AFF4: variants seen among roughly 807,000 people sequenced by gnomAD.
AFF4 encodes AF4/FMR2 family member 4.
In AFF4, 13 loss-of-function variants were observed where a neutral mutation model predicts 124.8. That is an observed-to-expected ratio of 0.10 (90% confidence interval 0.07 to 0.17). The LOEUF (loss-of-function observed/expected upper bound fraction) is 0.17, where lower values mean the gene tolerates loss of function less well. Ranked by LOEUF, AFF4 falls within the 10% of genes least tolerant of loss-of-function variation. The probability of loss-of-function intolerance (pLI) is 1.00; values close to 1 mark genes in which losing one functional copy is unlikely to be tolerated. For synonymous variants in AFF4, 477 were observed against 496.1 expected (o/e 0.96, Z 0.51); for missense variants, 1,092 against 1,403.8 (o/e 0.78, Z 3.55).
chr5:132,890,555 T>A (rs1760229116), intron 13 of AFF4, among the ~76,000 whole-genome samples: 1 of 152,228 alleles, frequency 6.6e-6, no homozygotes, highest in South Asian at 2.1e-4. Flanking sequence ...CTATGTGCAA[T>A]GTTGATTTTC....
chr5:132,942,556 C>A (rs1761597565), intron 1 of AFF4, among the ~76,000 whole-genome samples: 4 of 151,888 alleles, frequency 2.6e-5, no homozygotes, highest in Admixed American at 2.0e-4. Flanking sequence ...CCTTCGCCTG[C>A]CGGATTCAAG....
At chr5:132,881,222 C>T in intron 20 of AFF4, 36 bp from the exon 21 acceptor site, 1 of 1,603,268 alleles carries the variant, frequency 6.2e-7, no homozygotes, top group Non-Finnish European at 8.5e-7. Flanking sequence ...ATGATATATA[C>T]TCTTTTGAAT....
Position 132,876,199 on chromosome 5 carries a change from A to C in AFF4, c.*4860T>G. The C allele has an allele frequency of 4.7e-6, 1 of 212,898 alleles. No homozygotes were observed. Among genetic ancestry groups the C allele is most frequent in the Middle Eastern group, 1.4e-3 (1 of 692 alleles). The allele number at this position is 212,898 out of a possible 1,614,324, so 13.2% of individuals were successfully genotyped here. ...GGCCAGTTCTGTTGGTGAGCCCCCT[A>C]CCCCCACCCCACCCATCCCAGTACT... is the stretch of plus-strand genomic sequence containing the variant. On this transcript the variant is annotated 3_prime_UTR_variant, in exon 21 of 21. Transcript: ENST00000265343.
At chr5:132,892,991 A>G (rs1292950150) in intron 12 of AFF4, 39 bp downstream of exon 12, 1 of 1,578,204 alleles carries the variant, frequency 6.3e-7, no homozygotes, top group Non-Finnish European at 8.7e-7. Context: ...ATATACATAT[A>G]TTAACAACAC....
At position 132,906,111 on chromosome 5, in the gene AFF4, C is replaced by G. The variant is rs182821859; in HGVS notation, c.1051-1707G>C. On this transcript the variant is annotated intron_variant, in intron 5 of 20. Transcript: ENST00000265343. ...ACTAGGATGACTAGAATCAAAAAGA[C>G]AGATGTAACAAGTGTTGACAAGTAT... 2.5e-4 allele frequency among the ~76,000 whole-genome samples: 38 copies of G among 152,286 alleles called. 1 individual carries two copies. The highest frequency in any genetic ancestry group is 2.3e-3 in the Admixed American group (35 of 15,292).
In AFF4 at chr5:132,883,530, A is replaced by T; in HGVS notation, c.3174T>A (p.Ser1058=). Residue 1058 remains serine (S), a synonymous_variant, in exon 20 of 21, where the codon TCT becomes TCA. Coordinates refer to ENST00000265343, the MANE Select transcript of AFF4 (RefSeq NM_014423.4). ...SKAVGMPSPV[S]PKLSPGNSGN... is the part of the protein sequence containing the mutation. ...CTGAATTGCCTGGTGACAGCTTTGG[A>T]GAAACAGGGGAAGGCATCCCCACAG... 1 of 1,613,910 alleles carries T rather than the reference A, an allele frequency of 6.2e-7. No homozygotes were observed. The highest frequency in any genetic ancestry group is 1.7e-4 in the Middle Eastern group (1 of 5,986).
At chr5:132,882,647 C>T (rs1760009784) in intron 20 of AFF4, among the ~76,000 whole-genome samples, 1 of 151,886 alleles carries the variant, frequency 6.6e-6, no homozygotes, top group South Asian at 2.1e-4. Context: ...ACGAGGTCAG[C>T]AGTTCAAGAC....
intron 11 of AFF4, 33 bp from the exon 12 acceptor site, chr5:132,893,151 T>C (rs753769516): frequency 3.2e-6 from 5 of 1,584,366 alleles, no homozygotes; most frequent in Non-Finnish European, 2.6e-6. Context: ...GGTCTGATTT[T>C]TATTCAACTA....
At chr5:132,899,674 G>A in intron 7 of AFF4, 33 bp from the exon 8 acceptor site, 1 of 1,581,594 alleles carries the variant, frequency 6.3e-7, no homozygotes, top group Admixed American at 1.7e-5. Context: ...TATTATTTTT[G>A]GAACAGTTTA....
At chr5:132,885,141 C>G (rs1455069256) in intron 18 of AFF4, 22 bp from the exon 19 acceptor site, 2 of 1,571,762 alleles carry the variant, frequency 1.3e-6, no homozygotes, top group Admixed American at 1.8e-5. Context: ...GTAAAATGTA[C>G]TTAACAACAA....
intron 13 of AFF4, among the ~76,000 whole-genome samples, chr5:132,890,144 A>G (rs1234312344): frequency 3.3e-5 from 5 of 151,280 alleles, no homozygotes; most frequent in Non-Finnish European, 7.4e-5. Flanking sequence ...TTACCTATTT[A>G]CCCCATATAA....
intron 5 of AFF4, among the ~76,000 whole-genome samples, chr5:132,914,516 G>A (rs909668239): frequency 1.3e-5 from 2 of 150,612 alleles, no homozygotes; most frequent in Non-Finnish European, 3.0e-5. Flanking sequence ...CAGGAGAATC[G>A]CTTGAACCCG....
chr5:132,898,080 G>A (rs1760453714), intron 10 of AFF4, 150 bp downstream of exon 10: 1 of 1,008,710 alleles, frequency 9.9e-7, no homozygotes, highest in Non-Finnish European at 1.4e-6. Flanking sequence ...GAACCATCTA[G>A]ATTTCCTCCA....
intron 20 of AFF4, 53 bp downstream of exon 20, chr5:132,883,287 A>G (rs1357900871): frequency 2.0e-6 from 3 of 1,533,850 alleles, no homozygotes; most frequent in African/African-American, 1.4e-5. Flanking sequence ...CTAAATTATA[A>G]AAGTTCCTTC....
chr5:132,887,600 G>A lies in AFF4; in HGVS notation c.2934-8C>T. On this transcript the variant is annotated splice_polypyrimidine_tract_variant and splice_region_variant and intron_variant, in intron 16 of 20. Transcript: ENST00000265343. ...TTTAGCTTCATAGTGTATCTGTTGA[G>A]TTACAATAACAAACAAATGACAAAC... 1 of 1,608,984 alleles carries A rather than the reference G, an allele frequency of 6.2e-7. No homozygotes were observed. The highest frequency in any genetic ancestry group is 1.3e-5 in the African/African-American group (1 of 74,960).
intron 1 of AFF4, among the ~76,000 whole-genome samples, chr5:132,952,217 C>T (rs56198724): frequency 0.12 from 17,540 of 152,212 alleles, 1,282 homozygotes; most frequent in South Asian, 0.2. Flanking sequence ...CTAATACTTT[C>T]CAAAATGCCG....
At chr5:132,949,750 T>C (rs1761791959) in intron 1 of AFF4, among the ~76,000 whole-genome samples, 1 of 148,650 alleles carries the variant, frequency 6.7e-6, no homozygotes, top group African/African-American at 2.5e-5. Flanking sequence ...CAGTCCCGGC[T>C]ACTCGGGAGG....
intron 3 of AFF4, 68 bp downstream of exon 3, chr5:132,934,079 C>T: frequency 2.7e-6 from 4 of 1,490,364 alleles, no homozygotes; most frequent in Non-Finnish European, 3.6e-6. Flanking sequence ...CAAGTTCAAT[C>T]GTAATTTCAT....
chr5:132,907,050 A>T (rs747757526), intron 5 of AFF4, among the ~76,000 whole-genome samples: 22 of 152,212 alleles, frequency 1.4e-4, no homozygotes, highest in Non-Finnish European at 2.6e-4. Context: ...TATTCCAAAT[A>T]ATCTGATTTA....
Sources: allele counts gnomAD v4.1 joint callset (sites outside exome capture counted in the v4.1 genomes callset), GRCh38; gene constraint gnomAD v4.1.1; transcripts MANE v1.5; gene names NCBI Gene and HGNC (gene_info 2026-07-23, HGNC 2026-07-21).